PKD1L1: variants seen among roughly 807,000 people sequenced by gnomAD.
PKD1L1 encodes polycystin-1-like protein 1.
Under a neutral mutation model 323.4 loss-of-function variants are expected in PKD1L1, and 236 were observed. The ratio of observed to expected loss-of-function variants is 0.73; its 90% confidence interval spans 0.66 to 0.81. The LOEUF is 0.81. Ranked by LOEUF, PKD1L1 falls within the 40% of genes least tolerant of loss-of-function variation. The pLI, the probability that PKD1L1 is intolerant of heterozygous loss-of-function variation, is 0.00. For synonymous variants in PKD1L1, 1,344 were observed against 1,335.0 expected (o/e 1.01, Z -0.15); for missense variants, 3,320 against 3,508.0 (o/e 0.95, Z 1.35).
chr7:47,912,041 C>T (rs576252771), intron 8 of PKD1L1, among the ~76,000 whole-genome samples: 1 of 151,576 alleles, frequency 6.6e-6, no homozygotes, highest in Non-Finnish European at 1.5e-5. Context: ...GTACAAGATA[C>T]TATAAGAGTC....
chr7:47,941,651 C>A (rs1296159869), intron 2 of PKD1L1, among the ~76,000 whole-genome samples: 1 of 152,190 alleles, frequency 6.6e-6, no homozygotes, highest in Non-Finnish European at 1.5e-5. Flanking sequence ...AGGCTGGATG[C>A]ACCAACTGAG....
chr7:47,920,019 C>T (rs1384309994), intron 7 of PKD1L1, among the ~76,000 whole-genome samples: 1 of 152,014 alleles, frequency 6.6e-6, no homozygotes, highest in African/African-American at 2.4e-5. Flanking sequence ...CTAGCCAGAG[C>T]AATCAAGAGA....
chr7:47,940,356 A>T, intron 2 of PKD1L1, 39 bp from the exon 3 acceptor site: 1 of 1,598,750 alleles, frequency 6.3e-7, no homozygotes, highest in Non-Finnish European at 8.5e-7. Context: ...TGAAGACTGC[A>T]ATGTGCTGGG....
At chr7:47,824,214 C>T (rs896014318) in intron 45 of PKD1L1, among the ~76,000 whole-genome samples, 1 of 152,108 alleles carries the variant, frequency 6.6e-6, no homozygotes, top group Non-Finnish European at 1.5e-5. Flanking sequence ...TAGGCCTTTT[C>T]TTGCTGGAAA....
intron 18 of PKD1L1, among the ~76,000 whole-genome samples, 170 bp downstream of exon 18, chr7:47,885,516 A>C (rs745343504): frequency 1.3e-5 from 2 of 152,184 alleles, no homozygotes; most frequent in Non-Finnish European, 2.9e-5. Flanking sequence ...AGGAATCCGA[A>C]ACTCGATGAC....
chr7:47,800,855 C>T lies in PKD1L1; in HGVS notation c.7987G>A (p.Ala2663Thr), dbSNP rs750065766. ...AGLVGALMLAALSHLHRFLLS... is the reference protein window; with the variant it reads ...AGLVGALMLATLSHLHRFLLS... ...AGAAATCGGTGCAGGTGGGAGAGGG[C>T]GGCCAGCATCAGTGCCCCCACCAGC... is the stretch of plus-strand genomic sequence containing the variant. Residue 2663 changes from alanine to threonine, a missense_variant, in exon 54 of 57, where the codon GCC becomes ACC. Coordinates refer to ENST00000289672, the MANE Select transcript of PKD1L1 (RefSeq NM_138295.5). 1.2e-4 allele frequency: 201 copies of T among 1,613,828 alleles called. No individual in the cohort carries two copies. Among genetic ancestry groups the T allele is most frequent in the Non-Finnish European group, 1.6e-4 (183 of 1,179,988 alleles).
chr7:47,906,912 T>G (rs1013839531), intron 9 of PKD1L1, among the ~76,000 whole-genome samples: 1 of 151,908 alleles, frequency 6.6e-6, no homozygotes, highest in African/African-American at 2.4e-5. Context: ...AAAAAAGATA[T>G]AGTTTACAGA....
intron 54 of PKD1L1, among the ~76,000 whole-genome samples, chr7:47,797,194 A>T (rs1784562720): frequency 6.6e-6 from 1 of 152,098 alleles, no homozygotes; most frequent in Non-Finnish European, 1.5e-5. Context: ...TCTAAGGGGT[A>T]AGCTCTCTCT....
chr7:47,920,252 C>A (rs1487830561), intron 7 of PKD1L1, among the ~76,000 whole-genome samples: 1 of 150,956 alleles, frequency 6.6e-6, no homozygotes, highest in Middle Eastern at 3.4e-3. Context: ...AGAACTCAAC[C>A]CCTTTTAAAA....
chr7:47,787,462 C>T (rs1317640460), intron 56 of PKD1L1, among the ~76,000 whole-genome samples: 1 of 152,152 alleles, frequency 6.6e-6, no homozygotes, highest in Non-Finnish European at 1.5e-5. Context: ...GCAAAGACAG[C>T]ACCTACAAGC....
chr7:47,886,206 T>G, intron 17 of PKD1L1, 152 bp from the exon 18 acceptor site: 1 of 1,093,702 alleles, frequency 9.1e-7, no homozygotes, highest in Non-Finnish European at 1.3e-6. Context: ...GCAGAGAGTG[T>G]GGTGTTGGCG....
chr7:47,876,935 A>G (rs1033895041), intron 22 of PKD1L1, among the ~76,000 whole-genome samples: 1 of 151,958 alleles, frequency 6.6e-6, no homozygotes, highest in Admixed American at 6.6e-5. Flanking sequence ...ACCTACCACC[A>G]CACCCAGCTA....
At chr7:47,892,601 C>A (rs1372033150) in intron 15 of PKD1L1, among the ~76,000 whole-genome samples, 1 of 152,154 alleles carries the variant, frequency 6.6e-6, no homozygotes, top group Non-Finnish European at 1.5e-5. Flanking sequence ...CTAATGGGTA[C>A]AATGTACAGC....
chr7:47,939,881 AGGCAGCCCCTACTCCCCACCTGCAG>A (rs1340995076), intron 3 of PKD1L1, among the ~76,000 whole-genome samples: 2 of 146,408 alleles, frequency 1.4e-5, no homozygotes, highest in African/African-American at 2.5e-5. Context: ...CCCACCTGGG[AGGCAGCCCCTACTCCCCACCTGCAG>A]GGCAGCCCCC....
intron 21 of PKD1L1, among the ~76,000 whole-genome samples, chr7:47,880,280 A>ATTTTTTTTTTTTTTT (rs1380647150): frequency 4.8e-4 from 34 of 71,520 alleles, no homozygotes; most frequent in Non-Finnish European, 6.3e-4. Flanking sequence ...ATATATATAT[A>ATTTTTTTTTTTTTTT]TATATTTTTT....
chr7:47,850,970 G>A (rs1785769990), intron 31 of PKD1L1, among the ~76,000 whole-genome samples: 1 of 152,068 alleles, frequency 6.6e-6, no homozygotes, highest in African/African-American at 2.4e-5. Flanking sequence ...CTCATATTTT[G>A]GCAACTGGAA....
Position 47,946,365 on chromosome 7 carries a change from C to A in PKD1L1, c.44+2032G>T, listed in dbSNP as rs530099122. ...CAAATACCTACCACACAAACACACA[C>A]CACACACTCACACCACACCACACTC... On this transcript the variant is annotated intron_variant, in intron 1 of 56. Transcript: ENST00000289672. This position sits in a 1 kb window ranked among gnomAD's most constrained non-coding sequence, Gnocchi z 4.1. Among the ~76,000 whole-genome samples the A allele has an allele frequency of 6.6e-6, 1 of 151,248 alleles. No individual in the cohort carries two copies. Among genetic ancestry groups the A allele is most frequent in the South Asian group, 2.1e-4 (1 of 4,778 alleles).
chr7:47,850,400 G>C (rs1451912566), intron 31 of PKD1L1, among the ~76,000 whole-genome samples: 1 of 152,162 alleles, frequency 6.6e-6, no homozygotes, highest in Admixed American at 6.5e-5. Flanking sequence ...GGGACGCCAA[G>C]GAGGATGGAT....
chr7:47,785,154 C>A (rs1562928754), intron 56 of PKD1L1, among the ~76,000 whole-genome samples: 1 of 152,194 alleles, frequency 6.6e-6, no homozygotes, highest in Non-Finnish European at 1.5e-5. Flanking sequence ...GGGGTGCATT[C>A]TTCCTGAGCA....
Sources: gnomAD v4.1 joint callset for allele counts (sites outside exome capture counted in the v4.1 genomes callset) on GRCh38, gnomAD v4.1.1 for gene constraint, Gnocchi (gnomAD v3.1) non-coding constraint, MANE v1.5 for transcripts, NCBI Gene and HGNC (gene_info 2026-07-23, HGNC 2026-07-21) for gene names.